The following FGF12 variants were observed in gnomAD, a reference collection of about 807,000 sequenced individuals.
FGF12 encodes the protein fibroblast growth factor 12, also known as fibroblast growth factor 12B.
A neutral mutation model predicts 23.6 loss-of-function variants in FGF12; 14 were observed. The ratio of observed to expected loss-of-function variants is 0.59; its 90% CI spans 0.39 to 0.93. The LOEUF is 0.93. Among genes scored for constraint, FGF12 ranks in the 40% least tolerant of loss-of-function variants. FGF12 has a pLI of 0.00. For missense variants in FGF12, 175 were observed against 217.8 expected, an observed-to-expected ratio of 0.80 and a Z score of 1.24; for synonymous variants, 62 against 77.3, an observed-to-expected ratio of 0.80 and a Z score of 1.04.
At position 192,697,054 on chromosome 3, in the gene FGF12, C is replaced by G. The variant is rs575342149; in HGVS notation, c.13+30127G>C. 2.6e-5 allele frequency among the ~76,000 whole-genome samples: 4 copies of G among 152,132 alleles called. No individual in the cohort carries two copies. In the South Asian group the frequency reaches 8.3e-4, roughly 32 times the overall value. On this transcript the variant is annotated intron_variant, in intron 2 of 5. Transcript: ENST00000445105. ...TTTTAAGGGCTTCCCCACCCTCCCC[C>G]GCCTCTCAGTTAGTTCTCAATATGG... is the stretch of plus-strand genomic sequence containing the variant.
chr3:192,470,287 C>T (rs78504877), intron 2 of FGF12, among the ~76,000 whole-genome samples: 2,240 of 152,206 alleles, frequency 0.015, 53 homozygotes, highest in African/African-American at 0.052. Flanking sequence ...TAATTCAAAA[C>T]GACATGCGAG....
At chr3:192,156,126 C>T (rs1714401236) in intron 5 of FGF12, among the ~76,000 whole-genome samples, 2 of 152,160 alleles carry the variant, frequency 1.3e-5, no homozygotes, top group Admixed American at 1.3e-4. Flanking sequence ...CTGGAGGCCA[C>T]TTCAGCTATG....
intron 3 of FGF12, among the ~76,000 whole-genome samples, chr3:192,349,174 C>T (rs1460004864): frequency 6.6e-6 from 1 of 152,070 alleles, no homozygotes; most frequent in Non-Finnish European, 1.5e-5. Context: ...TAAGAAACTA[C>T]ACTGCAATTC....
chr3:192,288,243 C>A (rs1376384868), intron 4 of FGF12, among the ~76,000 whole-genome samples: 1 of 151,992 alleles, frequency 6.6e-6, no homozygotes, highest in African/African-American at 2.4e-5. Context: ...AATTACCTAA[C>A]AGAAAAATAA....
chr3:192,384,228 G>C (rs1316572888), intron 2 of FGF12, among the ~76,000 whole-genome samples: 4 of 152,090 alleles, frequency 2.6e-5, no homozygotes, highest in African/African-American at 9.7e-5. Flanking sequence ...GTAGAAGTGA[G>C]AGGTAAAGAA....
chr3:192,639,726 A>G lies in FGF12; in HGVS notation c.13+87455T>C, dbSNP rs912521984. On this transcript the variant is annotated intron_variant, in intron 2 of 5. Coordinates refer to ENST00000445105, the MANE Select transcript of FGF12 (RefSeq NM_004113.6). ...ATCATTATTCCCTATATAATGCAGA[A>G]AAACAACTTTTATAAAATTTACATT... is the stretch of plus-strand genomic sequence containing the variant. 7.2e-5 allele frequency among the ~76,000 whole-genome samples: 11 copies of G among 152,236 alleles called. 1 individual carries two copies. Among genetic ancestry groups the G allele is most frequent in the Non-Finnish European group, 2.9e-5 (2 of 68,042 alleles).
intron 4 of FGF12, among the ~76,000 whole-genome samples, chr3:192,321,192 T>C (rs1716515664): frequency 1.3e-5 from 2 of 151,884 alleles, no homozygotes; most frequent in Non-Finnish European, 2.9e-5. Context: ...TACACACCAA[T>C]ACAATACCTG....
At chr3:192,377,783 T>C (rs1256253585) in intron 2 of FGF12, among the ~76,000 whole-genome samples, 1 of 152,192 alleles carries the variant, frequency 6.6e-6, no homozygotes, top group Non-Finnish European at 1.5e-5. Flanking sequence ...TATTAGTTTA[T>C]GTTCCCAAAT....
In FGF12 at chr3:192,640,066, G is replaced by A. The variant is rs377020965; in HGVS notation, c.13+87115C>T. 1.2e-4 allele frequency among the ~76,000 whole-genome samples: 19 copies of A among 152,208 alleles called. No homozygotes were observed. The South Asian group carries it at 2.1e-3, about 17-fold the overall frequency. On this transcript the variant is annotated intron_variant, in intron 2 of 5. Transcript: ENST00000445105. ...ATAAAACAGAGGTTACCAGGGGCAC[G>A]GGATGGGAATGGGGGAAGGAAATGG...
At chr3:192,644,845 T>G (rs1340391267) in intron 2 of FGF12, among the ~76,000 whole-genome samples, 1 of 152,182 alleles carries the variant, frequency 6.6e-6, no homozygotes, top group African/African-American at 2.4e-5. Flanking sequence ...TTCAAGCTAT[T>G]ATTCAGATAA....
chr3:192,469,421 A>G (rs1174136190), intron 2 of FGF12, among the ~76,000 whole-genome samples: 1 of 152,126 alleles, frequency 6.6e-6, no homozygotes, highest in Admixed American at 6.6e-5. Flanking sequence ...TGTAAATCCA[A>G]TCAAATACCA....
intron 4 of FGF12, among the ~76,000 whole-genome samples, chr3:192,225,100 T>TA (rs1033510417): frequency 6.6e-6 from 1 of 151,964 alleles, no homozygotes; most frequent in Non-Finnish European, 1.5e-5. Context: ...AATTTCACAT[T>TA]AAAAAAAGTA....
rs1177181896 is a variant in FGF12 at position 192,405,629 on chromosome 3, CAACAT to C, written c.14-45096_14-45092del. ...GAATCAGTCAAATATTAAGTGAATA[CAACAT>C]CAAAGTGATTATAAAACAGATTCGA... On this transcript the variant is annotated intron_variant, in intron 2 of 5. Transcript: ENST00000445105. 5.2e-3 allele frequency among the ~76,000 whole-genome samples: 772 copies of C among 147,436 alleles called. 8 individuals carry two copies. The highest frequency in any genetic ancestry group is 0.02 in the African/African-American group (723 of 37,004).
At chr3:192,562,525 T>C (rs1712087207) in intron 2 of FGF12, among the ~76,000 whole-genome samples, 1 of 152,146 alleles carries the variant, frequency 6.6e-6, no homozygotes, top group Admixed American at 6.5e-5. Flanking sequence ...CACAATGAAG[T>C]AGAATTGTAC....
intron 2 of FGF12, among the ~76,000 whole-genome samples, chr3:192,661,519 G>A (rs1054385620): frequency 4.6e-5 from 7 of 151,902 alleles, no homozygotes; most frequent in Non-Finnish European, 5.9e-5. Context: ...AGTGAGACTC[G>A]GTCTCAGTAA....
At chr3:192,442,380 T>C (rs532849848) in intron 2 of FGF12, among the ~76,000 whole-genome samples, 1 of 152,336 alleles carries the variant, frequency 6.6e-6, no homozygotes, top group South Asian at 2.1e-4. Context: ...GATTATTAAT[T>C]GAATAAATGC....
At chr3:192,602,764 G>A (rs1472639375) in intron 2 of FGF12, among the ~76,000 whole-genome samples, 2 of 149,668 alleles carry the variant, frequency 1.3e-5, no homozygotes, top group African/African-American at 4.9e-5. Context: ...CAATATCCCT[G>A]ATTAAGATAA....
chr3:192,181,950 T>C (rs1330700730), intron 4 of FGF12, among the ~76,000 whole-genome samples: 1 of 151,968 alleles, frequency 6.6e-6, no homozygotes, highest in African/African-American at 2.4e-5. Flanking sequence ...AAATATGTTC[T>C]AGAGAAAACA....
chr3:192,274,864 C>A (rs149645555), intron 4 of FGF12, among the ~76,000 whole-genome samples: 48 of 152,216 alleles, frequency 3.2e-4, no homozygotes, highest in Non-Finnish European at 4.9e-4. Context: ...TTTCTTTATC[C>A]AACGATGCCA....
Sources: allele counts gnomAD v4.1 joint callset (sites outside exome capture counted in the v4.1 genomes callset), GRCh38; gene constraint gnomAD v4.1.1; transcripts MANE v1.5; gene names NCBI Gene and HGNC (gene_info 2026-07-23, HGNC 2026-07-21).